Variants in CDAN1 observed in about 807,000 individuals in gnomAD.
CDAN1 encodes the protein codanin-1.
CDAN1 carries 107 observed loss-of-function variants against 139.8 expected under a neutral mutation model. The observed-to-expected ratio is 0.77, with a 90% CI of 0.65 to 0.90. CDAN1 has a LOEUF of 0.90. CDAN1 is among the 40% of genes least tolerant of loss of function. CDAN1 has a pLI of 0.00. For missense variants in CDAN1, 1,667 were observed against 1,575.7 expected, an observed-to-expected ratio of 1.06 and a Z score of -0.98; for synonymous variants, 776 against 660.6, an observed-to-expected ratio of 1.17 and a Z score of -2.68.
At position 42,736,846 on chromosome 15, in the gene CDAN1, G is replaced by A. The variant is rs932933088; in HGVS notation, c.91-66C>T. 4.2e-5 allele frequency: 61 copies of A among 1,449,614 alleles called. No individual in the cohort carries two copies. The African/African-American group carries it at 8.1e-4, about 19-fold the overall frequency. 89.8% of individuals were successfully genotyped at this position (1,449,614 alleles called of 1,614,324 possible). ...GCCGGCCCGCGGGCCGTGAGCAGCC[G>A]GGGCCGTAGGGCGCGCCTCGGGTGG... On this transcript the variant is annotated intron_variant, in intron 1 of 27. Transcript: ENST00000356231.
In CDAN1 at chr15:42,735,510, C is replaced by A; in HGVS notation, c.943G>T (p.Glu315Ter). Residue 315 changes from glutamate (E) to a stop codon, truncating the protein, a stop_gained and splice_region_variant, in exon 4 of 28, where the codon GAG (glutamate) becomes TAG (stop). Transcript: ENST00000356231. LOFTEE classifies it high-confidence loss of function. ...VALVYSSCIA[E>*]NLVPNLFLEL... ...TCCCGCTCCCTCCGCTCTCACTCAC[C>A]AGCAATGCACGAGGAGTAAACAAGG... 2 of 1,614,210 alleles carry A rather than the reference C, an allele frequency of 1.2e-6. No homozygotes were observed. Among genetic ancestry groups the A allele is most frequent in the Non-Finnish European group, 1.7e-6 (2 of 1,180,040 alleles).
Position 42,731,186 on chromosome 15 carries a change from T to C in CDAN1, c.1860+25A>G, listed in dbSNP as rs181785290. 9.1e-5 allele frequency: 147 copies of C among 1,614,204 alleles called. No individual in the cohort carries two copies. The African/African-American group carries it at 1.8e-3, about 20-fold the overall frequency. Reference sequence around the variant, plus strand: ...CCTTCCCTCCTGGGTCAGACCCCATTATTTCCCTTGTTCTGTTTTCGGACC... The same window carrying C: ...CCTTCCCTCCTGGGTCAGACCCCATCATTTCCCTTGTTCTGTTTTCGGACC... On this transcript the variant is annotated intron_variant, in intron 12 of 27. Coordinates refer to ENST00000356231, the MANE Select transcript of CDAN1 (RefSeq NM_138477.4).
Position 42,731,723 on chromosome 15 carries a change from G to A in CDAN1, c.1636C>T (p.Gln546Ter), listed in dbSNP as rs772043081. The A allele has an allele frequency of 6.2e-7, 1 of 1,614,186 alleles. No individual in the cohort carries two copies. The highest frequency in any genetic ancestry group is 8.5e-7 in the Non-Finnish European group (1 of 1,180,034). ...ADKLGRLWRL[Q>*]ERLMAPQSSG... Reference sequence around the variant, plus strand: ...CTCTGAGGAGCCATAAGCCGTTCCTGTAGGCGCCACAACCGCCCCAGCTTG... The same window carrying A: ...CTCTGAGGAGCCATAAGCCGTTCCTATAGGCGCCACAACCGCCCCAGCTTG... The change falls in exon 11 of 28, where the codon CAG becomes TAG. Residue 546 changes from glutamine (Q) to a stop codon, truncating the protein, a stop_gained. Transcript: ENST00000356231. LOFTEE classifies it high-confidence loss of function.
chr15:42,725,751 G>C (rs563649779), intron 25 of CDAN1, 81 bp from the exon 26 acceptor site: 983 of 1,421,710 alleles, frequency 6.9e-4, no homozygotes, highest in Non-Finnish European at 9.2e-4. Flanking sequence ...CCAACACTTC[G>C]GGAGGCTGAG....
At position 42,730,683 on chromosome 15, in the gene CDAN1, C is replaced by T; in HGVS notation, c.2089G>A (p.Val697Met). The stretch of plus-strand genomic sequence containing the variant: ...TGGTCAGCAAAGGAGAGAAACTCCA[C>T]CAGCCAGGGCACGGTGAGCACCGCC... Reference protein sequence around the residue: ...RRAVLTVPWLVEFLSFADHVV... With the variant: ...RRAVLTVPWLMEFLSFADHVV... The change falls in exon 14 of 28, where the codon GTG becomes ATG. Residue 697 changes from valine (V) to methionine (M), a missense_variant. By Grantham distance (21) the Val-to-Met change is conservative (BLOSUM62 1). This residue lies in a region of CDAN1 where 936 missense variants were observed against 844.1 expected (regional missense o/e 1.11). Coordinates refer to ENST00000356231, the MANE Select transcript of CDAN1 (RefSeq NM_138477.4). 6.2e-7 allele frequency: 1 copy of T among 1,614,064 alleles called. No homozygotes were observed. The highest frequency in any genetic ancestry group is 8.5e-7 in the Non-Finnish European group (1 of 1,179,978).
intron 10 of CDAN1, 45 bp from the exon 11 acceptor site, chr15:42,731,870 G>A (rs756123236): frequency 6.4e-7 from 1 of 1,565,284 alleles, no homozygotes. Flanking sequence ...ATCAGCAAGT[G>A]GGAGGGAAGG....
At chr15:42,729,774 C>G (rs2061583993) in intron 16 of CDAN1, 22 bp downstream of exon 16, 4 of 1,609,306 alleles carry the variant, frequency 2.5e-6, no homozygotes, top group African/African-American at 2.7e-5. Context: ...TCCCATGGCT[C>G]TGGCGGAACC....
chr15:42,730,539 C>T (rs1041554851), intron 14 of CDAN1, 59 bp downstream of exon 14: 1 of 1,590,782 alleles, frequency 6.3e-7, no homozygotes, highest in Non-Finnish European at 8.6e-7. Flanking sequence ...TAATAGCAGG[C>T]TTGACCAATG....
chr15:42,728,341 A>G (rs1048527088), intron 20 of CDAN1, 74 bp from the exon 21 acceptor site: 32 of 1,504,446 alleles, frequency 2.1e-5, no homozygotes, highest in Non-Finnish European at 2.9e-5. Context: ...CCCCGAGTGC[A>G]CCAAGCCCCT....
At chr15:42,731,852 T>C in intron 10 of CDAN1, 27 bp from the exon 11 acceptor site, 1 of 1,610,850 alleles carries the variant, frequency 6.2e-7, no homozygotes, top group Admixed American at 1.7e-5. Context: ...AGGAGAGAAA[T>C]TAAAAAAATC....
intron 16 of CDAN1, 50 bp downstream of exon 16, chr15:42,729,746 T>G: frequency 6.3e-7 from 1 of 1,598,486 alleles, no homozygotes; most frequent in Non-Finnish European, 8.6e-7. Context: ...GGCAGCCCAC[T>G]TCCTTTATTC....
Position 42,727,845 on chromosome 15 carries a change from TTGCTGTTTCCTAC to T in CDAN1, c.2948-89_2948-77del, listed in dbSNP as rs1306982391. The T allele has an allele frequency of 2.5e-5, 41 of 1,609,510 alleles. 1 individual carries two copies. The East Asian group carries it at 8.0e-4, about 32-fold the overall frequency. On this transcript the variant is annotated intron_variant, in intron 22 of 27. Transcript: ENST00000356231. ...GGTTCACCATGCTAACCCATGCCTTTTGCTGTTTCCTACTGGCTCTCAGTCCCATCGCCCACAA... is the reference window on the plus strand; with the variant it reads ...GGTTCACCATGCTAACCCATGCCTTTTGGCTCTCAGTCCCATCGCCCACAA...
chr15:42,728,742 C>T lies in CDAN1; in HGVS notation c.2714G>A (p.Gly905Glu). The T allele has an allele frequency of 6.2e-7, 1 of 1,614,208 alleles. No homozygotes were observed. The highest frequency in any genetic ancestry group is 8.5e-7 in the Non-Finnish European group (1 of 1,180,046). The change falls in exon 20 of 28, where the codon GGA becomes GAA. Residue 905 changes from glycine (G) to glutamate (E), a missense_variant. Physicochemically the swap from Gly to Glu is moderately conservative, Grantham distance 98 (BLOSUM62 -2). Around this residue, in one of 3 missense-constraint regions of CDAN1, gnomAD observed 936 missense variants for 844.1 expected, o/e 1.11. Transcript: ENST00000356231. ...CTGGGCTGGGTCTCCCCCTTCCTCT[C>T]CCTGTGTCACCAGCTGCTCTTGGAG... ...SLLQEQLVTQ[G>E]EEGGDPAQLL...
rs757508400 is a variant in CDAN1 at position 42,729,893 on chromosome 15, G to A, written c.2263-8C>T. ...CTCAGGGACTGTGGGAATCTGGCAAGACAGTCACAATTCAGGTCAACTTCA... is the reference window on the plus strand; with the variant it reads ...CTCAGGGACTGTGGGAATCTGGCAAAACAGTCACAATTCAGGTCAACTTCA... On this transcript the variant is annotated splice_polypyrimidine_tract_variant and splice_region_variant and intron_variant, in intron 15 of 27. Coordinates refer to ENST00000356231, the MANE Select transcript of CDAN1 (RefSeq NM_138477.4). The A allele has an allele frequency of 8.4e-5, 135 of 1,609,728 alleles. No individual in the cohort carries two copies. The highest frequency in any genetic ancestry group is 1.1e-4 in the Non-Finnish European group (127 of 1,177,424).
rs963237040 is a variant in CDAN1, at chr15:42,731,433, A to G, written c.1740-102T>C. On this transcript the variant is annotated intron_variant, in intron 11 of 27. Coordinates refer to ENST00000356231, the MANE Select transcript of CDAN1 (RefSeq NM_138477.4). ...GAGGGAAGGGAGCAGCAGGACAGAC[A>G]GGGAGGCCCAGGAGCAATGAAATCA... 41 of 1,537,384 alleles carry G rather than the reference A, an allele frequency of 2.7e-5. No individual in the cohort carries two copies. In the African/African-American group the frequency reaches 4.9e-4, roughly 18 times the overall value.
rs752710811 is a variant in CDAN1, at chr15:42,727,734, G to A, written c.2983C>T (p.Arg995Cys). Residue 995 changes from arginine to cysteine, a missense_variant, in exon 23 of 28, where the codon CGC (arginine) becomes TGC (cysteine). Coordinates refer to ENST00000356231, the MANE Select transcript of CDAN1 (RefSeq NM_138477.4). ...TCAGGACCCTGGGCTCGAAGTGTGCGACTCACTGCTGCTTTCACCTCCCTC... is the reference window on the plus strand; with the variant it reads ...TCAGGACCCTGGGCTCGAAGTGTGCAACTCACTGCTGCTTTCACCTCCCTC... Reference protein sequence around the residue: ...IRREVKAAVSRTLRAQGPEPA... With the variant: ...IRREVKAAVSCTLRAQGPEPA... 5.0e-6 allele frequency: 8 copies of A among 1,588,986 alleles called. No homozygotes were observed. Among genetic ancestry groups the A allele is most frequent in the Non-Finnish European group, 6.9e-6 (8 of 1,164,374 alleles).
At chr15:42,726,751 C>T (rs2061535001) in intron 23 of CDAN1, 2 of 381,246 alleles carry the variant, frequency 5.2e-6, no homozygotes, top group Non-Finnish European at 9.7e-6. Flanking sequence ...GGAAACCGGC[C>T]TATCAGATAC....
rs1566978458 is a variant in CDAN1 at position 42,725,568 on chromosome 15, T to C, written c.3371A>G (p.Asp1124Gly). The C allele has an allele frequency of 6.2e-7, 1 of 1,614,148 alleles. No homozygotes were observed. The highest frequency in any genetic ancestry group is 8.5e-7 in the Non-Finnish European group (1 of 1,180,036). ...CTGCAGCGGAACCGGCCCCTGAAAG[T>C]CTTCCTTCCACAAGGAAAGCAGCAT... Reference protein sequence around the residue: ...LHMLLSLWKEDFQGPVPLQLL... With the variant: ...LHMLLSLWKEGFQGPVPLQLL... The change falls in exon 26 of 28, where the codon GAC (aspartate) becomes GGC (glycine). Residue 1124 changes from aspartate (D) to glycine (G), a missense_variant. This residue lies in a region of CDAN1 where 936 missense variants were observed against 844.1 expected (regional missense o/e 1.11). Transcript: ENST00000356231.
chr15:42,727,697 C>CGGGCAGCAGGTTCAGGACCCT lies in CDAN1; in HGVS notation c.2999_3019dup (p.Gln1000_Ala1006dup), dbSNP rs1566980499. 8 of 1,584,860 alleles carry CGGGCAGCAGGTTCAGGACCCT rather than the reference C, an allele frequency of 5.0e-6. No individual in the cohort carries two copies. Among genetic ancestry groups the CGGGCAGCAGGTTCAGGACCCT allele is most frequent in the Non-Finnish European group, 6.9e-6 (8 of 1,161,672 alleles). ...GCGGGAGCAGCCCCTCCGCTCCCCC[C>CGGGCAGCAGGTTCAGGACCCT]GGGCAGCAGGTTCAGGACCCTGGGC... is the stretch of plus-strand genomic sequence containing the variant. On this transcript the variant is annotated inframe_insertion, in exon 23 of 28. Transcript: ENST00000356231.
Sources: allele counts gnomAD v4.1 joint callset, GRCh38; gene constraint gnomAD v4.1.1; regional missense constraint gnomAD v4.1.1; transcripts MANE v1.5; gene names NCBI Gene and HGNC (gene_info 2026-07-23, HGNC 2026-07-21).